The following RASSF2 variants were observed in gnomAD, a reference collection of about 807,000 sequenced individuals.
RASSF2 encodes Ras association domain family member 2, also known as ras association domain-containing protein 2.
A neutral mutation model predicts 46.3 loss-of-function variants in RASSF2; 34 were observed. The ratio of observed to expected loss-of-function variants is 0.73; its 90% CI spans 0.56 to 0.98. The LOEUF is 0.98. Ranked by LOEUF, RASSF2 falls within the 50% of genes least tolerant of loss-of-function variation. RASSF2 has a pLI of 0.00. For synonymous variants in RASSF2, 158 were observed against 162.5 expected (o/e 0.97, Z 0.21); for missense variants, 364 against 431.2 (o/e 0.84, Z 1.38).
At position 4,787,684 on chromosome 20, in the gene RASSF2, G is replaced by A; in HGVS notation, c.762C>T (p.Ile254=). ...ARILQGPCEQ[I]SKVFLMEKDQ... ...CCTTCTCCATTAGGAACACTTTGGA[G>A]ATCTGCTCACATGGGCCCTGGAGGA... The change falls in exon 10 of 12, where the codon ATC becomes ATT. Residue 254 remains isoleucine (I), a synonymous_variant. Transcript: ENST00000379400. 1 of 1,614,164 alleles carries A rather than the reference G, an allele frequency of 6.2e-7. No homozygotes were observed. The highest frequency in any genetic ancestry group is 8.5e-7 in the Non-Finnish European group (1 of 1,180,032).
chr20:4,798,840 AC>A (rs1412850835), intron 3 of RASSF2, among the ~76,000 whole-genome samples: 23 of 137,084 alleles, frequency 1.7e-4, no homozygotes, highest in African/African-American at 4.5e-4. Flanking sequence ...AAACAAACAA[AC>A]AAACAAAAAA....
rs542451662 is a variant in RASSF2, at chr20:4,800,674, ACTC to A, written c.59+295_59+297del. Reference sequence around the variant, plus strand: ...GAAGATAGCGAACAGCCACCAGCCAACTCCTCCTCCTGGAAGTCTTCCAGGATA... The same window carrying A: ...GAAGATAGCGAACAGCCACCAGCCAACTCCTCCTGGAAGTCTTCCAGGATA... On this transcript the variant is annotated intron_variant, in intron 3 of 11. Coordinates refer to ENST00000379400, the MANE Select transcript of RASSF2 (RefSeq NM_014737.3). 2.5e-3 allele frequency among the ~76,000 whole-genome samples: 374 copies of A among 151,614 alleles called. 18 individuals carry two copies. The South Asian group carries it at 0.075, about 30-fold the overall frequency.
intron 11 of RASSF2, 36 bp downstream of exon 11, chr20:4,786,195 G>A (rs1925318956): frequency 6.6e-7 from 1 of 1,525,720 alleles, no homozygotes; most frequent in East Asian, 2.2e-5. Flanking sequence ...GAGGCCCCAG[G>A]AGAAGTGCAC....
chr20:4,808,862 C>T (rs1927554283), intron 2 of RASSF2, among the ~76,000 whole-genome samples: 1 of 152,190 alleles, frequency 6.6e-6, no homozygotes, highest in South Asian at 2.1e-4. Context: ...AACATAGTTA[C>T]TTACTCCCTC....
chr20:4,818,821 C>T (rs1407202241), intron 2 of RASSF2, among the ~76,000 whole-genome samples: 1 of 152,220 alleles, frequency 6.6e-6, no homozygotes, highest in East Asian at 1.9e-4. Flanking sequence ...TAGCCTGCTT[C>T]TAGCCAGCAA....
chr20:4,813,432 T>C (rs546768107), intron 2 of RASSF2, among the ~76,000 whole-genome samples: 1 of 152,148 alleles, frequency 6.6e-6, no homozygotes, highest in East Asian at 1.9e-4. Context: ...GAGGAAGCGG[T>C]CCTGGGACTC....
intron 11 of RASSF2, among the ~76,000 whole-genome samples, chr20:4,784,593 AAAAAAAAAAAAAAAAAAAAAAAGGT>A (rs1462777780): frequency 2.1e-4 from 2 of 9,542 alleles, no homozygotes; most frequent in Non-Finnish European, 3.7e-4. Context: ...ACATCTAGCC[AAAAAAAAAAAAAAAAAAAAAAAGGT>A]AAAAAAAAAC....
intron 2 of RASSF2, among the ~76,000 whole-genome samples, chr20:4,813,109 A>G (rs77028721): frequency 0.011 from 1,724 of 152,174 alleles, 92 homozygotes; most frequent in East Asian, 0.11. Flanking sequence ...GGGACAATGA[A>G]CTACCCCTCC....
rs911611259 is a variant in RASSF2 at position 4,780,641 on chromosome 20, G to C, written c.*3632C>G. ...TTCTTCACGTCATGGTTTGGCCGCT[G>C]TAAGACACTGAAATTGCCTTGTTCA... is the stretch of plus-strand genomic sequence containing the variant. On this transcript the variant is annotated 3_prime_UTR_variant, in exon 12 of 12. Transcript: ENST00000379400. 1 of 152,224 alleles carries C rather than the reference G, an allele frequency of 6.6e-6. No homozygotes were observed. Among genetic ancestry groups the C allele is most frequent in the African/African-American group, 2.4e-5 (1 of 41,448 alleles). The allele number at this position is 152,224 out of a possible 1,614,324, so 9.4% of individuals were successfully genotyped here. A position where few individuals can be genotyped will look rare whatever the true frequency, so the allele number is the denominator to read the frequency against.
intron 2 of RASSF2, among the ~76,000 whole-genome samples, chr20:4,811,266 G>A (rs1250669577): frequency 1.2e-4 from 7 of 59,714 alleles, no homozygotes; most frequent in African/African-American, 1.6e-4. Context: ...TAGGAGGATC[G>A]CTTGAGCACA....
At position 4,798,229 on chromosome 20, in the gene RASSF2, C is replaced by T. The variant is rs139451221; in HGVS notation, c.60-144G>A. 2.8e-5 allele frequency: 37 copies of T among 1,341,596 alleles called. No homozygotes were observed. The South Asian group carries it at 4.6e-4, about 17-fold the overall frequency. The allele number at this position is 1,341,596 out of a possible 1,614,324, so 83.1% of individuals were successfully genotyped here. The stretch of plus-strand genomic sequence containing the variant: ...CCACATGTACATACACACACATGCA[C>T]ATGCACACAGAGTTCTGCCACCACC... On this transcript the variant is annotated intron_variant, in intron 3 of 11. Coordinates refer to ENST00000379400, the MANE Select transcript of RASSF2 (RefSeq NM_014737.3).
At position 4,780,411 on chromosome 20, in the gene RASSF2, C is replaced by T. The variant is rs1924689321; in HGVS notation, c.*3862G>A. 1 of 152,224 alleles carries T rather than the reference C, an allele frequency of 6.6e-6. No individual in the cohort carries two copies. The highest frequency in any genetic ancestry group is 1.5e-5 in the Non-Finnish European group (1 of 68,040). The allele number at this position is 152,224 out of a possible 1,614,324, so 9.4% of individuals were successfully genotyped here. A position where few individuals can be genotyped will look rare whatever the true frequency, so the allele number is the denominator to read the frequency against. ...AGTTAAAACACAAGGGGCGCTTCAA[C>T]ACCCCCCTTGTGATAGGGCAGAGCT... is the stretch of plus-strand genomic sequence containing the variant. On this transcript the variant is annotated 3_prime_UTR_variant, in exon 12 of 12. Transcript: ENST00000379400.
intron 2 of RASSF2, among the ~76,000 whole-genome samples, chr20:4,819,699 A>G (rs1350868018): frequency 6.6e-6 from 1 of 152,234 alleles, no homozygotes; most frequent in Admixed American, 6.5e-5. Context: ...ATTTATAAAA[A>G]TGAGCAGTTA....
Position 4,800,969 on chromosome 20 carries a change from T to C in RASSF2, c.59+3A>G, listed in dbSNP as rs1037345059. The C allele has an allele frequency of 5.6e-6, 9 of 1,609,170 alleles. No individual in the cohort carries two copies. Among genetic ancestry groups the C allele is most frequent in the Non-Finnish European group, 7.7e-6 (9 of 1,175,554 alleles). On this transcript the variant is annotated splice_donor_region_variant and intron_variant, in intron 3 of 11. Transcript: ENST00000379400. ...GACAAAACACTCCAGCAAAACGTCT[T>C]ACTTGGAAATGTATTTATCTTGTCC...
chr20:4,815,016 G>A (rs1280382670), intron 2 of RASSF2: 1 of 152,234 alleles, frequency 6.6e-6, no homozygotes, highest in Non-Finnish European at 1.5e-5. Flanking sequence ...ACTGGGCAGG[G>A]CCAGGTGAAG....
In RASSF2 at chr20:4,790,433, T is replaced by G; in HGVS notation, c.537+18A>C. The G allele has an allele frequency of 6.9e-7, 1 of 1,439,362 alleles. No homozygotes were observed. The highest frequency in any genetic ancestry group is 9.1e-7 in the Non-Finnish European group (1 of 1,094,416). The allele number at this position is 1,439,362 out of a possible 1,614,324, so 89.2% of individuals were successfully genotyped here. On this transcript the variant is annotated intron_variant, in intron 7 of 11. Transcript: ENST00000379400. The surrounding 1 kb of genome is among the most constrained non-coding windows in gnomAD (Gnocchi z 4.3). ...AGGAAGAGGTCTTCCACCCTCCCCGTCCCCCTGTCCACCTTACCTTATGGT... is the reference window on the plus strand; with the variant it reads ...AGGAAGAGGTCTTCCACCCTCCCCGGCCCCCTGTCCACCTTACCTTATGGT...
chr20:4,821,906 C>A (rs955045729), intron 2 of RASSF2, among the ~76,000 whole-genome samples: 1 of 152,246 alleles, frequency 6.6e-6, no homozygotes, highest in African/African-American at 2.4e-5. Flanking sequence ...AAAGCCCCCA[C>A]GCAAGGGTCT....
intron 1 of RASSF2, among the ~76,000 whole-genome samples, chr20:4,823,089 G>A (rs1034990602): frequency 1.3e-5 from 2 of 152,206 alleles, no homozygotes; most frequent in Non-Finnish European, 2.9e-5. Context: ...GGCCCCTGGC[G>A]GGGGTCCGCG....
chr20:4,802,621 T>G (rs1490610770), intron 2 of RASSF2, among the ~76,000 whole-genome samples: 1 of 152,024 alleles, frequency 6.6e-6, no homozygotes, highest in Admixed American at 6.6e-5. Flanking sequence ...GTAGTCAAAA[T>G]CAGAGACTGA....
Sources: allele counts gnomAD v4.1 joint callset (sites outside exome capture counted in the v4.1 genomes callset), GRCh38; gene constraint gnomAD v4.1.1; non-coding constraint Gnocchi (gnomAD v3.1); transcripts MANE v1.5; gene names NCBI Gene and HGNC (gene_info 2026-07-23, HGNC 2026-07-21).